COL5A1: variants seen among roughly 807,000 people sequenced by gnomAD.
COL5A1 encodes collagen alpha-1(V) chain.
In COL5A1, 16 loss-of-function variants were observed where a neutral mutation model predicts 263.7. That is an observed-to-expected ratio of 0.06 (90% CI 0.04 to 0.09). COL5A1 has a LOEUF of 0.09. Ranked by LOEUF, COL5A1 falls within the 10% of genes least tolerant of loss-of-function variation. The pLI is 1.00. For synonymous variants in COL5A1, 1,012 were observed against 1,004.5 expected (o/e 1.01, Z -0.14); for missense variants, 2,036 against 2,540.5 (o/e 0.80, Z 4.27).
intron 18 of COL5A1, among the ~76,000 whole-genome samples, chr9:134,759,706 GCA>G (rs1289098319): frequency 1.4e-4 from 4 of 28,360 alleles, no homozygotes; most frequent in South Asian, 1.4e-3. Flanking sequence ...ATGCACACAT[GCA>G]CACACCCCCC....
chr9:134,763,920 G>A (rs1435219139), intron 20 of COL5A1, among the ~76,000 whole-genome samples, 183 bp downstream of exon 20: 3 of 151,626 alleles, frequency 2.0e-5, no homozygotes, highest in African/African-American at 7.3e-5. Flanking sequence ...GGCGAGGCTG[G>A]CTGGCAACTC....
chr9:134,823,066 C>T lies in COL5A1; in HGVS notation c.4644+33C>T, dbSNP rs758687289. On this transcript the variant is annotated intron_variant, in intron 60 of 65. Coordinates refer to ENST00000371817, the MANE Select transcript of COL5A1 (RefSeq NM_000093.5). ...ACATGCTGCCCAGCCAGGCCAATGC[C>T]TGGAAGGTAGGGGAGGGCGACGGGT... 5.6e-6 allele frequency: 9 copies of T among 1,613,802 alleles called. No homozygotes were observed. In the South Asian group the frequency reaches 9.9e-5, roughly 18 times the overall value.
At chr9:134,705,893 G>A (rs3128586) in intron 4 of COL5A1, among the ~76,000 whole-genome samples, 75,937 of 152,112 alleles carry the variant, frequency 0.5, 19,329 homozygotes, top group Admixed American at 0.64. Context: ...GCCGCTGAGA[G>A]GTCCATGGGG....
chr9:134,818,874 A>C lies in COL5A1; in HGVS notation c.4365A>C (p.Pro1455=). Residue 1455 remains proline, a synonymous_variant, in exon 56 of 66, where the codon CCA becomes CCC. Coordinates refer to ENST00000371817, the MANE Select transcript of COL5A1 (RefSeq NM_000093.5). This position sits in a 1 kb window ranked among gnomAD's most constrained non-coding sequence, Gnocchi z 6.0. ...PVGEQGLPGS[P]GPDGPPGPMG... ...GAGAACAAGGTCTCCCAGGATCCCC[A>C]GGCCCGGACGGTCCCCCCGGCCCCA... 6.2e-7 allele frequency: 1 copy of C among 1,612,954 alleles called. No individual in the cohort carries two copies. The highest frequency in any genetic ancestry group is 8.5e-7 in the Non-Finnish European group (1 of 1,179,698).
At chr9:134,809,693 C>T (rs764913659) in intron 43 of COL5A1, among the ~76,000 whole-genome samples, 3 of 152,202 alleles carry the variant, frequency 2.0e-5, no homozygotes, top group African/African-American at 7.2e-5. Context: ...TCCAGGCTCC[C>T]GTTCATTAAG....
Position 134,641,824 on chromosome 9 carries a change from G to A in COL5A1, c.-364G>A, listed in dbSNP as rs780212970. ...CGAGGTCCGCACTCTCCGTCCCCGC[G>A]GCTGGCGCAGGACCTCACTCGAGCG... On this transcript the variant is annotated 5_prime_UTR_variant, in exon 1 of 66. Coordinates refer to ENST00000371817, the MANE Select transcript of COL5A1 (RefSeq NM_000093.5). The A allele has an allele frequency of 2.6e-6, 1 of 387,584 alleles. No individual in the cohort carries two copies. The highest frequency in any genetic ancestry group is 2.1e-5 in the African/African-American group (1 of 48,090). 24.0% of individuals were successfully genotyped at this position (387,584 alleles called of 1,614,324 possible).
rs1047016853 is a variant in COL5A1, at chr9:134,821,155, G to A, written c.4554+932G>A. Among the ~76,000 whole-genome samples the A allele has an allele frequency of 5.3e-5, 8 of 152,098 alleles. No homozygotes were observed. Among genetic ancestry groups the A allele is most frequent in the African/African-American group, 1.9e-4 (8 of 41,432 alleles). Reference sequence around the variant, plus strand: ...ACAGCAGGGTCGTCGGAGGAGTGCCGCCCAGGGTGTGGTGGCCCGGCAACC... The same window carrying A: ...ACAGCAGGGTCGTCGGAGGAGTGCCACCCAGGGTGTGGTGGCCCGGCAACC... On this transcript the variant is annotated intron_variant, in intron 58 of 65. Coordinates refer to ENST00000371817, the MANE Select transcript of COL5A1 (RefSeq NM_000093.5). This position sits in a 1 kb window ranked among gnomAD's most constrained non-coding sequence, Gnocchi z 4.2.
intron 27 of COL5A1, among the ~76,000 whole-genome samples, chr9:134,778,286 G>C (rs1021297441): frequency 2.0e-5 from 3 of 152,252 alleles, no homozygotes; most frequent in African/African-American, 7.2e-5. Context: ...AGCTGGCCCA[G>C]CTGAGTCACT....
rs753715354 is a variant in COL5A1 at position 134,690,982 on chromosome 9, C to A, written c.180C>A (p.Gly60=). 6.8e-6 allele frequency: 11 copies of A among 1,613,768 alleles called. No homozygotes were observed. The South Asian group carries it at 1.2e-4, about 18-fold the overall frequency. The change falls in exon 2 of 66, where the codon GGC becomes GGA. Residue 60 remains glycine (G), a synonymous_variant. Coordinates refer to ENST00000371817, the MANE Select transcript of COL5A1 (RefSeq NM_000093.5). ...CTGATGGAATAACAAAGACAACAGG[C>A]TTTTGCGCCACGCGGCGATCTTCCA... The part of the protein sequence containing the change: ...NLPDGITKTT[G]FCATRRSSKG...
intron 4 of COL5A1, among the ~76,000 whole-genome samples, chr9:134,722,402 T>C (rs1441726555): frequency 2.6e-5 from 4 of 152,218 alleles, no homozygotes; most frequent in Non-Finnish European, 4.4e-5. Flanking sequence ...GGGTGCTGTG[T>C]GCCCACAAGC....
intron 4 of COL5A1, among the ~76,000 whole-genome samples, chr9:134,722,687 T>C (rs560616869): frequency 6.6e-6 from 1 of 152,364 alleles, no homozygotes; most frequent in African/African-American, 2.4e-5. Flanking sequence ...TTATTTGAAT[T>C]GGATGAAATG....
intron 18 of COL5A1, among the ~76,000 whole-genome samples, chr9:134,759,281 C>T (rs530985292): frequency 2.0e-5 from 3 of 150,680 alleles, no homozygotes; most frequent in Admixed American, 6.6e-5. Context: ...TACACACATG[C>T]ACACACACGC....
chr9:134,762,004 T>A, intron 19 of COL5A1, 26 bp downstream of exon 19: 1 of 1,609,810 alleles, frequency 6.2e-7, no homozygotes, highest in Non-Finnish European at 8.5e-7. Flanking sequence ...TCCCTCCGAC[T>A]GCTCCTGCCT....
At chr9:134,795,341 G>A in intron 34 of COL5A1, 26 bp downstream of exon 34, 1 of 1,612,148 alleles carries the variant, frequency 6.2e-7, no homozygotes, top group Non-Finnish European at 8.5e-7. Context: ...CCTGGGCGGT[G>A]GGCGGCGTGA....
chr9:134,777,451 C>T (rs1308263741), intron 27 of COL5A1, among the ~76,000 whole-genome samples: 1 of 152,226 alleles, frequency 6.6e-6, no homozygotes, highest in African/African-American at 2.4e-5. Context: ...ACGGACACAG[C>T]AGCCCCAATG....
chr9:134,650,201 A>C (rs1262294751), intron 1 of COL5A1, among the ~76,000 whole-genome samples: 3 of 152,154 alleles, frequency 2.0e-5, no homozygotes, highest in Non-Finnish European at 2.9e-5. Flanking sequence ...AATTTTTTTA[A>C]ATGTGTGTAT....
At chr9:134,650,365 C>T (rs1426368868) in intron 1 of COL5A1, among the ~76,000 whole-genome samples, 1 of 152,154 alleles carries the variant, frequency 6.6e-6, no homozygotes, top group Non-Finnish European at 1.5e-5. Context: ...GCACTCTTTC[C>T]CGTGTGTGGG....
At chr9:134,665,194 G>A (rs539978903) in intron 1 of COL5A1, among the ~76,000 whole-genome samples, 26 of 152,088 alleles carry the variant, frequency 1.7e-4, no homozygotes, top group Admixed American at 5.2e-4. Context: ...GAGAGACTCC[G>A]TCTCAAAACA....
chr9:134,777,629 A>C (rs1837100756), intron 27 of COL5A1, among the ~76,000 whole-genome samples: 1 of 152,022 alleles, frequency 6.6e-6, no homozygotes, highest in African/African-American at 2.4e-5. Context: ...GGGATCCTCA[A>C]ACGGTAGAAC....
Sources: allele counts gnomAD v4.1 joint callset (sites outside exome capture counted in the v4.1 genomes callset), GRCh38; gene constraint gnomAD v4.1.1; non-coding constraint Gnocchi (gnomAD v3.1); transcripts MANE v1.5; gene names NCBI Gene and HGNC (gene_info 2026-07-23, HGNC 2026-07-21).